Variants in PTK2 observed in about 807,000 individuals in gnomAD.
PTK2 encodes protein tyrosine kinase 2.
PTK2 carries 45 observed loss-of-function variants against 150.1 expected under a neutral mutation model. That is an observed-to-expected ratio of 0.30 (90% CI 0.24 to 0.38). The LOEUF is 0.38. PTK2 is among the 10% of genes least tolerant of loss of function. The pLI is 1.00. For synonymous variants in PTK2, 432 were observed against 449.2 expected, an observed-to-expected ratio of 0.96 and a Z score of 0.48; for missense variants, 919 against 1,307.3, an observed-to-expected ratio of 0.70 and a Z score of 4.58.
At chr8:140,922,984 G>A (rs958485899) in intron 2 of PTK2, among the ~76,000 whole-genome samples, 2 of 152,192 alleles carry the variant, frequency 1.3e-5, no homozygotes, top group African/African-American at 2.4e-5. Flanking sequence ...GTGACAGAGA[G>A]GATGAGAGGA....
intron 14 of PTK2, among the ~76,000 whole-genome samples, chr8:140,786,290 G>A (rs938778916): frequency 6.6e-6 from 1 of 152,204 alleles, no homozygotes; most frequent in Non-Finnish European, 1.5e-5. Context: ...CGCTTACTGT[G>A]GAGAAGCACA....
chr8:140,731,443 A>G (rs2100049295), intron 22 of PTK2, among the ~76,000 whole-genome samples: 1 of 152,134 alleles, frequency 6.6e-6, no homozygotes, highest in African/African-American at 2.4e-5. Context: ...CTACTTCTCA[A>G]TGAATTCATA....
chr8:140,899,331 G>A (rs1191053101), intron 2 of PTK2, among the ~76,000 whole-genome samples: 1 of 152,100 alleles, frequency 6.6e-6, no homozygotes, highest in African/African-American at 2.4e-5. Flanking sequence ...TTGGAACTCA[G>A]CCACTATACT....
intron 26 of PTK2, 62 bp downstream of exon 29, chr8:140,700,829 G>T: frequency 6.4e-7 from 1 of 1,557,922 alleles, no homozygotes. Flanking sequence ...GCAATAATTT[G>T]CAATATAGTA....
intron 2 of PTK2, among the ~76,000 whole-genome samples, chr8:140,924,596 G>A (rs911613852): frequency 1.3e-5 from 2 of 152,102 alleles, no homozygotes; most frequent in Admixed American, 6.5e-5. Context: ...TATGCTGGAC[G>A]TCAGTGACAG....
At chr8:140,746,897 T>G in intron 17 of PTK2, 37 bp from the exon 21 acceptor site, 1 of 1,367,116 alleles carries the variant, frequency 7.3e-7, no homozygotes, top group Non-Finnish European at 1.0e-6. Flanking sequence ...TCTTTCTTTT[T>G]TTTTTTTTTT....
At chr8:140,706,298 T>C in intron 23 of PTK2, 93 bp from the exon 27 acceptor site, 1 of 897,580 alleles carries the variant, frequency 1.1e-6, no homozygotes, top group Non-Finnish European at 1.8e-6. Flanking sequence ...CTAATAGAGC[T>C]TACTTGAAAA....
intron 5 of PTK2, among the ~76,000 whole-genome samples, chr8:140,855,941 G>T (rs1242705820): frequency 6.6e-6 from 1 of 152,242 alleles, no homozygotes; most frequent in Non-Finnish European, 1.5e-5. Flanking sequence ...GATGGTAAGT[G>T]TGTGTTCTAC....
At chr8:140,746,190 G>A (rs1383547249) in intron 18 of PTK2, among the ~76,000 whole-genome samples, 2 of 152,030 alleles carry the variant, frequency 1.3e-5, no homozygotes, top group Non-Finnish European at 2.9e-5. Context: ...AAATTAGTCA[G>A]GCATGGTGGC....
chr8:140,700,017 G>A lies in PTK2; in HGVS notation c.2499+874C>T, dbSNP rs1043792899. ...ATATGGTAGTAAAACCTGAACCGAT[G>A]AAGCATCTTATAATCTTCATTTAAC... On this transcript the variant is annotated intron_variant, in intron 26 of 31. Coordinates refer to ENST00000522684, the Ensembl canonical transcript of PTK2. 3.3e-5 allele frequency among the ~76,000 whole-genome samples: 5 copies of A among 152,278 alleles called. No homozygotes were observed. The East Asian group carries it at 5.8e-4, about 18-fold the overall frequency.
intron 17 of PTK2, among the ~76,000 whole-genome samples, chr8:140,750,773 A>T (rs2100062179): frequency 6.6e-6 from 1 of 152,186 alleles, no homozygotes; most frequent in Admixed American, 6.5e-5. Context: ...CAAGAGTCAG[A>T]GGAATGGAGG....
At chr8:140,929,871 G>C (rs2100171100) in intron 1 of PTK2, among the ~76,000 whole-genome samples, 1 of 151,982 alleles carries the variant, frequency 6.6e-6, no homozygotes, top group African/African-American at 2.4e-5. Flanking sequence ...AAAGGGCTTT[G>C]AGAGCGCCCA....
intron 1 of PTK2, among the ~76,000 whole-genome samples, chr8:140,948,249 AT>A (rs1216238976): frequency 6.6e-6 from 1 of 152,250 alleles, no homozygotes; most frequent in African/African-American, 2.4e-5. Flanking sequence ...AAAATTAAAA[AT>A]AATAAACTAG....
chr8:140,926,369 C>T (rs1400161491), intron 1 of PTK2, among the ~76,000 whole-genome samples: 1 of 152,156 alleles, frequency 6.6e-6, no homozygotes, highest in Non-Finnish European at 1.5e-5. Context: ...GTTAAACCAC[C>T]ACCTATAGTA....
intron 2 of PTK2, chr8:140,921,078 T>C (rs772776716): frequency 3.3e-4 from 433 of 1,314,804 alleles, no homozygotes; most frequent in Non-Finnish European, 3.8e-4. Flanking sequence ...TGTAATATTT[T>C]CCAGCAGCTT....
At chr8:140,816,618 T>C (rs1566937433) in intron 10 of PTK2, among the ~76,000 whole-genome samples, 1 of 152,220 alleles carries the variant, frequency 6.6e-6, no homozygotes, top group Non-Finnish European at 1.5e-5. Context: ...AGGACAATTG[T>C]GTTGGTAAAA....
chr8:140,762,839 T>C (rs1040719575), intron 15 of PTK2, among the ~76,000 whole-genome samples: 5 of 152,120 alleles, frequency 3.3e-5, no homozygotes, highest in African/African-American at 1.2e-4. Flanking sequence ...AAAGTGCAGT[T>C]GTGCAATCAG....
chr8:140,842,719 A>G (rs1017734864), intron 7 of PTK2, among the ~76,000 whole-genome samples: 1 of 152,158 alleles, frequency 6.6e-6, no homozygotes, highest in African/African-American at 2.4e-5. Context: ...GAATCACTAC[A>G]GTGGAGCAAA....
Position 140,705,871 on chromosome 8 carries a change from G to A in PTK2, c.2229+248C>T, listed in dbSNP as rs148856844. Among the ~76,000 whole-genome samples the A allele has an allele frequency of 1.7e-3, 263 of 152,348 alleles. 1 individual carries two copies. The highest frequency in any genetic ancestry group is 2.9e-3 in the Non-Finnish European group (196 of 68,038). ...TTGCCCTTTACCACAGCAAGTGGAT[G>A]AAAACGTGCCTAAGAATGGCAGCAG... On this transcript the variant is annotated intron_variant, in intron 24 of 31. Transcript: ENST00000522684.
Sources: gnomAD v4.1 joint callset for allele counts (sites outside exome capture counted in the v4.1 genomes callset) on GRCh38, gnomAD v4.1.1 for gene constraint, MANE v1.5 for transcripts, NCBI Gene and HGNC (gene_info 2026-07-23, HGNC 2026-07-21) for gene names.